The following SHANK2 variants were observed in gnomAD, a reference collection of about 807,000 sequenced individuals.
SHANK2 encodes SH3 and multiple ankyrin repeat domains protein 2.
In SHANK2, 43 loss-of-function variants were observed where a neutral mutation model predicts 133.7. The ratio of observed to expected loss-of-function variants is 0.32; its 90% CI spans 0.25 to 0.41. SHANK2 has a LOEUF of 0.41. SHANK2 is among the 10% of genes least tolerant of loss of function. SHANK2 has a pLI of 1.00. For synonymous variants in SHANK2, 1,017 were observed against 952.8 expected (o/e 1.07, Z -1.24); for missense variants, 1,994 against 2,235.8 (o/e 0.89, Z 2.18).
At chr11:70,910,815 A>AT (rs1565400503) in intron 10 of SHANK2, among the ~76,000 whole-genome samples, 1 of 151,220 alleles carries the variant, frequency 6.6e-6, no homozygotes, top group Non-Finnish European at 1.5e-5. Flanking sequence ...TCAAAAAAAA[A>AT]AAAAAAGTTG....
At chr11:70,680,457 A>G (rs1236740740) in intron 15 of SHANK2, among the ~76,000 whole-genome samples, 1 of 152,046 alleles carries the variant, frequency 6.6e-6, no homozygotes, top group East Asian at 1.9e-4. Context: ...ACCCATGATC[A>G]TTCCTCAGAT....
intron 2 of SHANK2, among the ~76,000 whole-genome samples, chr11:71,158,820 G>A (rs1213111216): frequency 2.0e-5 from 3 of 152,214 alleles, no homozygotes; most frequent in Non-Finnish European, 2.9e-5. Flanking sequence ...ACTCCCATAT[G>A]TGTTGGGGGA....
At chr11:70,554,239 T>C (rs1554978948) in intron 17 of SHANK2, among the ~76,000 whole-genome samples, 1 of 152,088 alleles carries the variant, frequency 6.6e-6, no homozygotes, top group Non-Finnish European at 1.5e-5. Flanking sequence ...AACATTCCAT[T>C]CCCCTCCTAA....
At chr11:71,200,624 T>A (rs962849506) in intron 2 of SHANK2, among the ~76,000 whole-genome samples, 9 of 152,114 alleles carry the variant, frequency 5.9e-5, no homozygotes, top group African/African-American at 1.7e-4. Context: ...ACATTTAACT[T>A]TTTTTAGGAC....
intron 14 of SHANK2, among the ~76,000 whole-genome samples, chr11:70,759,692 G>A (rs1365805021): frequency 6.6e-6 from 1 of 152,176 alleles, no homozygotes; most frequent in Non-Finnish European, 1.5e-5. Context: ...AGGCAAGGGT[G>A]AAGTCATGCA....
rs1948197338 is a variant in SHANK2 at position 71,252,226 on chromosome 11, C to T, written c.-113+199G>A. On this transcript the variant is annotated intron_variant, in intron 1 of 25. Transcript: ENST00000601538. This position sits in a 1 kb window ranked among gnomAD's most constrained non-coding sequence, Gnocchi z 6.3. ...GGAAGGGCTCTCTACGGAAAATCGA[C>T]CCCCACCTGGACACGCGGCTCACTC... 6.6e-6 allele frequency among the ~76,000 whole-genome samples: 1 copy of T among 152,264 alleles called. No homozygotes were observed. Among genetic ancestry groups the T allele is most frequent in the Admixed American group, 6.5e-5 (1 of 15,306 alleles).
At chr11:70,638,532 C>G (rs1446606453) in intron 17 of SHANK2, among the ~76,000 whole-genome samples, 1 of 152,180 alleles carries the variant, frequency 6.6e-6, no homozygotes, top group Admixed American at 6.5e-5. Flanking sequence ...TTGTAACAGC[C>G]GAGGACCAAG....
At chr11:70,673,292 TA>T (rs11333382) in intron 15 of SHANK2, among the ~76,000 whole-genome samples, 26,456 of 144,856 alleles carry the variant, frequency 0.18, 3,946 homozygotes, top group African/African-American at 0.42. Flanking sequence ...GAATGTTCTT[TA>T]AAAAAAAAAA....
intron 17 of SHANK2, among the ~76,000 whole-genome samples, chr11:70,530,255 A>G (rs1353890872): frequency 2.0e-5 from 3 of 152,192 alleles, no homozygotes; most frequent in African/African-American, 4.8e-5. Flanking sequence ...ACCGTGGCTC[A>G]TGCCTGTAAT....
intron 3 of SHANK2, among the ~76,000 whole-genome samples, chr11:71,136,346 G>C (rs573906183): frequency 3.0e-4 from 45 of 152,298 alleles, no homozygotes; most frequent in African/African-American, 1.0e-3. Context: ...CAGCAACAGG[G>C]ATGGAACTGG....
At chr11:71,201,755 T>C (rs1171943248) in intron 2 of SHANK2, among the ~76,000 whole-genome samples, 1 of 152,166 alleles carries the variant, frequency 6.6e-6, no homozygotes, top group Non-Finnish European at 1.5e-5. Context: ...TGGGGCTGGC[T>C]TTGAAGTCCA....
chr11:71,173,731 A>G (rs567649112), intron 2 of SHANK2, among the ~76,000 whole-genome samples: 1 of 152,344 alleles, frequency 6.6e-6, no homozygotes, highest in South Asian at 2.1e-4. Context: ...ATTAGTCAAG[A>G]TGAGATCATA....
intron 14 of SHANK2, among the ~76,000 whole-genome samples, chr11:70,768,858 A>G (rs1420445944): frequency 5.3e-5 from 8 of 152,128 alleles, no homozygotes; most frequent in Admixed American, 1.3e-4. Flanking sequence ...CACCCTGCAC[A>G]TGGGAAGAGG....
intron 17 of SHANK2, among the ~76,000 whole-genome samples, chr11:70,540,755 C>T (rs924653519): frequency 3.3e-5 from 5 of 151,596 alleles, no homozygotes; most frequent in South Asian, 4.2e-4. Flanking sequence ...GCGCCTGCAA[C>T]GCCCAGCCAC....
chr11:71,166,838 G>C (rs1235739098), intron 2 of SHANK2, among the ~76,000 whole-genome samples: 2 of 148,820 alleles, frequency 1.3e-5, no homozygotes, highest in South Asian at 2.3e-4. Context: ...TCTCGCAGAG[G>C]GGGATTTGGC....
intron 17 of SHANK2, among the ~76,000 whole-genome samples, chr11:70,651,790 A>G (rs782747225): frequency 6.6e-6 from 1 of 152,254 alleles, no homozygotes; most frequent in Non-Finnish European, 1.5e-5. Context: ...TGAAGAATTC[A>G]GCAGTCACCC....
At chr11:70,590,768 C>G (rs1489703173) in intron 17 of SHANK2, among the ~76,000 whole-genome samples, 1 of 149,288 alleles carries the variant, frequency 6.7e-6, no homozygotes, top group Admixed American at 6.6e-5. Context: ...CACTGGGAAA[C>G]CAAAAAAAAA....
At chr11:71,172,623 A>G (rs576914907) in intron 2 of SHANK2, among the ~76,000 whole-genome samples, 16 of 151,802 alleles carry the variant, frequency 1.1e-4, no homozygotes, top group Non-Finnish European at 2.2e-4. Context: ...GAAAAAAAGA[A>G]AAAAGAAAAG....
chr11:70,553,463 C>T (rs959261057), intron 17 of SHANK2, among the ~76,000 whole-genome samples: 42 of 152,156 alleles, frequency 2.8e-4, no homozygotes, highest in Admixed American at 2.3e-3. Flanking sequence ...GGGATTGGAA[C>T]GCTAATGCAT....
Sources: allele counts gnomAD v4.1 joint callset (sites outside exome capture counted in the v4.1 genomes callset), GRCh38; gene constraint gnomAD v4.1.1; non-coding constraint Gnocchi (gnomAD v3.1); transcripts MANE v1.5; gene names NCBI Gene and HGNC (gene_info 2026-07-23, HGNC 2026-07-21).